ARHGAP8: variants seen among roughly 807,000 people sequenced by gnomAD.
ARHGAP8 encodes the protein rho GTPase-activating protein 8.
A neutral mutation model predicts 46.1 loss-of-function variants in ARHGAP8; 62 were observed. That is an observed-to-expected ratio of 1.34 (90% CI 1.10 to 1.66). ARHGAP8 has a LOEUF of 1.66. Among genes scored for constraint, ARHGAP8 ranks in the 40% most tolerant of loss-of-function variants. ARHGAP8 has a pLI of 0.00. For synonymous variants in ARHGAP8, 375 were observed against 243.1 expected (o/e 1.54, Z -5.05); for missense variants, 923 against 568.4 (o/e 1.62, Z -6.34).
intron 1 of ARHGAP8, among the ~76,000 whole-genome samples, chr22:44,760,259 G>A (rs1925028429): frequency 6.6e-6 from 1 of 152,204 alleles, no homozygotes. Context: ...GCATAGCTGA[G>A]ACAAAAGAGT....
chr22:44,772,701 G>T (rs183118278), intron 1 of ARHGAP8, among the ~76,000 whole-genome samples: 38 of 151,666 alleles, frequency 2.5e-4, no homozygotes, highest in African/African-American at 8.5e-4. Flanking sequence ...TAAGTTAGAA[G>T]GTATTTCCTT....
chr22:44,829,006 C>T (rs1250751349), intron 7 of ARHGAP8, among the ~76,000 whole-genome samples: 5 of 151,198 alleles, frequency 3.3e-5, no homozygotes, highest in Non-Finnish European at 7.4e-5. Context: ...GGTGCGGTGG[C>T]TCATGCCTGT....
chr22:44,861,154 T>G (rs1175453480), intron 11 of ARHGAP8, among the ~76,000 whole-genome samples: 1 of 152,094 alleles, frequency 6.6e-6, no homozygotes, highest in South Asian at 2.1e-4. Flanking sequence ...GTTTTTTTAG[T>G]AGAGATGGGG....
At chr22:44,796,962 T>G (rs974109149) in intron 2 of ARHGAP8, among the ~76,000 whole-genome samples, 1 of 152,124 alleles carries the variant, frequency 6.6e-6, no homozygotes, top group Admixed American at 6.5e-5. Context: ...GTTGCAGACA[T>G]AGATGATGGG....
At chr22:44,859,603 C>A in intron 10 of ARHGAP8, 128 bp from the exon 11 acceptor site, 1 of 1,004,738 alleles carries the variant, frequency 1.0e-6, no homozygotes. Context: ...GTGGGGGTCC[C>A]AAGCCCAAAT....
At chr22:44,858,284 CATGT>C (rs2070295774) in intron 10 of ARHGAP8, among the ~76,000 whole-genome samples, 1 of 151,854 alleles carries the variant, frequency 6.6e-6, no homozygotes, top group Admixed American at 6.5e-5. Context: ...CATAGGCATG[CATGT>C]GGCTGAGTGC....
At chr22:44,821,027 C>T (rs932020208) in intron 5 of ARHGAP8, among the ~76,000 whole-genome samples, 1 of 152,198 alleles carries the variant, frequency 6.6e-6, no homozygotes, top group Admixed American at 6.5e-5. Context: ...TACATGAATA[C>T]TTATTTCAAG....
intron 6 of ARHGAP8, among the ~76,000 whole-genome samples, chr22:44,823,961 C>T (rs1166142947): frequency 1.3e-5 from 2 of 152,122 alleles, no homozygotes; most frequent in African/African-American, 4.8e-5. Context: ...AGGCAGCCGG[C>T]ACCCCTGTTC....
chr22:44,756,867 CTT>C (rs200888165), intron 1 of ARHGAP8, among the ~76,000 whole-genome samples: 1 of 151,894 alleles, frequency 6.6e-6, no homozygotes, highest in African/African-American at 2.4e-5. Flanking sequence ...CCATCCCTCA[CTT>C]TTTTTTCCGC....
chr22:44,860,313 T>G (rs1435073031), intron 11 of ARHGAP8, among the ~76,000 whole-genome samples: 2 of 152,110 alleles, frequency 1.3e-5, no homozygotes, highest in Non-Finnish European at 2.9e-5. Context: ...AGGCTAGCAG[T>G]CCAAAAGCAA....
intron 1 of ARHGAP8, among the ~76,000 whole-genome samples, chr22:44,784,415 A>C (rs1927065279): frequency 6.6e-6 from 1 of 152,172 alleles, no homozygotes; most frequent in Non-Finnish European, 1.5e-5. Context: ...AACAAAACAA[A>C]ACAACAACAA....
intron 10 of ARHGAP8, among the ~76,000 whole-genome samples, chr22:44,859,070 C>A (rs915544339): frequency 6.0e-5 from 9 of 150,956 alleles, no homozygotes; most frequent in Non-Finnish European, 1.0e-4. Context: ...CGTAGTTTGC[C>A]AACCCCTGGT....
intron 3 of ARHGAP8, among the ~76,000 whole-genome samples, chr22:44,806,815 T>A (rs1928954613): frequency 6.6e-6 from 1 of 151,748 alleles, no homozygotes; most frequent in South Asian, 2.1e-4. Context: ...TTAAAAAAAA[T>A]TAGCCGGGCG....
chr22:44,829,118 C>CAAAAA lies in ARHGAP8; in HGVS notation c.596+3547_596+3551dup, dbSNP rs57906111. 8.5e-4 allele frequency among the ~76,000 whole-genome samples: 42 copies of CAAAAA among 49,376 alleles called. 3 individuals carry two copies. The highest frequency in any genetic ancestry group is 2.2e-3 in the African/African-American group (24 of 10,920). The allele number at this position is 49,376 out of a possible 152,430, so 32.4% of individuals were successfully genotyped here. ...TGAAACCCTATCTCTACTAAAAATACAAAAAAAAAAAAAAAAAAAAAAAAA... is the reference window on the plus strand; with the variant it reads ...TGAAACCCTATCTCTACTAAAAATACAAAAAAAAAAAAAAAAAAAAAAAAAAAAAA... On this transcript the variant is annotated intron_variant, in intron 7 of 11. Coordinates refer to ENST00000356099, the MANE Select transcript of ARHGAP8 (RefSeq NM_181335.3).
intron 1 of ARHGAP8, among the ~76,000 whole-genome samples, chr22:44,779,102 T>TG (rs1926636649): frequency 6.7e-6 from 1 of 150,322 alleles, no homozygotes; most frequent in South Asian, 2.1e-4. Context: ...TCTGACTTTT[T>TG]TTTTTTTTTT....
chr22:44,765,284 G>C (rs543532857), intron 1 of ARHGAP8: 1 of 152,544 alleles, frequency 6.6e-6, no homozygotes, highest in South Asian at 2.1e-4. Flanking sequence ...CCTGTGCCCT[G>C]GGAGGGGTGC....
At chr22:44,815,517 C>A (rs1054804532) in intron 5 of ARHGAP8, among the ~76,000 whole-genome samples, 2 of 152,116 alleles carry the variant, frequency 1.3e-5, no homozygotes, top group South Asian at 2.1e-4. Context: ...GAGGTTTCCA[C>A]CCAGGAGCAG....
At chr22:44,833,914 G>A (rs769104568) in intron 7 of ARHGAP8, among the ~76,000 whole-genome samples, 89 of 151,954 alleles carry the variant, frequency 5.9e-4, no homozygotes, top group African/African-American at 1.9e-3. Flanking sequence ...TGTTCATTTC[G>A]TCTAGGTTTT....
At chr22:44,773,140 A>C (rs58522022) in intron 1 of ARHGAP8, among the ~76,000 whole-genome samples, 2,289 of 152,124 alleles carry the variant, frequency 0.015, 56 homozygotes, top group African/African-American at 0.053. Flanking sequence ...AACAAATTTG[A>C]CTTACGTACT....
Sources: gnomAD v4.1 joint callset for allele counts (sites outside exome capture counted in the v4.1 genomes callset) on GRCh38, gnomAD v4.1.1 for gene constraint, MANE v1.5 for transcripts, NCBI Gene and HGNC (gene_info 2026-07-23, HGNC 2026-07-21) for gene names.